The following ZNF282 variants were observed in gnomAD, a reference collection of about 807,000 sequenced individuals.
The protein encoded by ZNF282 is zinc finger protein 282, also known as HTLV-I U5 repressive element-binding protein 1.
ZNF282 carries 30 observed loss-of-function variants against 61.9 expected under a neutral mutation model. The ratio of observed to expected loss-of-function variants is 0.48; its 90% CI spans 0.36 to 0.66. The LOEUF (loss-of-function observed/expected upper bound fraction) is 0.66. Ranked by LOEUF, ZNF282 falls within the 30% of genes least tolerant of loss-of-function variation. The pLI is 0.00. For synonymous variants in ZNF282, 396 were observed against 405.0 expected (o/e 0.98, Z 0.27); for missense variants, 788 against 941.4 (o/e 0.84, Z 2.13).
At chr7:149,218,024 C>T (rs1423577786) in intron 7 of ZNF282, among the ~76,000 whole-genome samples, 3 of 151,260 alleles carry the variant, frequency 2.0e-5, no homozygotes, top group African/African-American at 4.9e-5. Flanking sequence ...ATGAGAATCC[C>T]TTGAACCCAG....
chr7:149,206,933 T>C, intron 3 of ZNF282, 111 bp downstream of exon 3: 3 of 1,435,628 alleles, frequency 2.1e-6, no homozygotes, highest in Non-Finnish European at 2.8e-6. Context: ...TTTTATGTAA[T>C]GGAAACTCAG....
intron 4 of ZNF282, among the ~76,000 whole-genome samples, chr7:149,208,359 C>T (rs1360505215): frequency 1.3e-5 from 2 of 152,114 alleles, no homozygotes; most frequent in South Asian, 2.1e-4. Flanking sequence ...TACACCACTG[C>T]GCCCAGCTAA....
intron 1 of ZNF282, among the ~76,000 whole-genome samples, chr7:149,197,119 C>G (rs1176076181): frequency 1.3e-5 from 2 of 152,218 alleles, no homozygotes; most frequent in African/African-American, 4.8e-5. Context: ...CTCAACCAGC[C>G]CCCCTTAGCC....
At position 149,208,322 on chromosome 7, in the gene ZNF282, C is replaced by T. The variant is rs192189719; in HGVS notation, c.832+852C>T. 2.1e-3 allele frequency among the ~76,000 whole-genome samples: 315 copies of T among 152,238 alleles called. 2 individuals carry two copies. The highest frequency in any genetic ancestry group is 7.3e-3 in the African/African-American group (304 of 41,562). On this transcript the variant is annotated intron_variant, in intron 4 of 7. Transcript: ENST00000610704. The stretch of plus-strand genomic sequence containing the variant: ...AACCTCAGCCTCACTGCAACCTCAG[C>T]CTCCCGAGTAGCTGGGACTACAGGC...
Position 149,224,629 on chromosome 7 carries a change from G to A in ZNF282, c.1998G>A (p.Pro666=). ...CCGGCGCCCCACGGCAGCTCCCGCC[G>A]CCTCCTGAGCGAGACTAGGGCTGGG... The part of the protein sequence containing the change: ...PGPGAPRQLP[P]PPERD The change falls in exon 8 of 8, where the codon CCG becomes CCA. Residue 666 remains proline (P), a synonymous_variant. Coordinates refer to ENST00000610704, the MANE Select transcript of ZNF282 (RefSeq NM_003575.4). The A allele has an allele frequency of 6.5e-7, 1 of 1,529,544 alleles. No individual in the cohort carries two copies. The allele number at this position is 1,529,544 out of a possible 1,614,324, so 94.7% of individuals were successfully genotyped here.
At chr7:149,199,034 T>C (rs115481703) in intron 2 of ZNF282, among the ~76,000 whole-genome samples, 1,645 of 152,326 alleles carry the variant, frequency 0.011, 31 homozygotes, top group African/African-American at 0.037. Flanking sequence ...CTGCAAGTTC[T>C]TGCAGCTCTT....
At chr7:149,199,522 C>T (rs1360331825) in intron 2 of ZNF282, among the ~76,000 whole-genome samples, 1 of 152,126 alleles carries the variant, frequency 6.6e-6, no homozygotes, top group Admixed American at 6.5e-5. Flanking sequence ...CCGTCTTTAA[C>T]AGAAAACCTC....
intron 4 of ZNF282, 125 bp downstream of exon 4, chr7:149,207,595 C>G: frequency 2.8e-6 from 4 of 1,408,320 alleles, no homozygotes; most frequent in Non-Finnish European, 3.8e-6. Flanking sequence ...TGGGTGGCTC[C>G]CAGGGGCCAG....
At chr7:149,218,694 C>T (rs1351575596) in intron 7 of ZNF282, among the ~76,000 whole-genome samples, 1 of 152,142 alleles carries the variant, frequency 6.6e-6, no homozygotes, top group Non-Finnish European at 1.5e-5. Flanking sequence ...CTTCAGACAC[C>T]AGCTGCAAAT....
intron 1 of ZNF282, among the ~76,000 whole-genome samples, chr7:149,197,624 C>T (rs931482615): frequency 4.6e-5 from 7 of 152,210 alleles, no homozygotes; most frequent in African/African-American, 1.4e-4. Flanking sequence ...AGGAGCCCAC[C>T]ACCACACCCG....
chr7:149,215,922 T>G (rs1796155659), intron 7 of ZNF282, among the ~76,000 whole-genome samples: 1 of 152,180 alleles, frequency 6.6e-6, no homozygotes, highest in Non-Finnish European at 1.5e-5. Context: ...TGTCTTCTGA[T>G]TCTTCCCAGT....
intron 7 of ZNF282, among the ~76,000 whole-genome samples, chr7:149,217,015 C>T (rs1796168463): frequency 6.6e-6 from 1 of 152,176 alleles, no homozygotes; most frequent in Non-Finnish European, 1.5e-5. Flanking sequence ...AGTGCAGTGG[C>T]TAAAAGGTGC....
In ZNF282 at chr7:149,198,796, A is replaced by C. The variant is rs1384415031; in HGVS notation, c.585+44A>C. The C allele has an allele frequency of 1.3e-6, 2 of 1,545,486 alleles. No individual in the cohort carries two copies. Among genetic ancestry groups the C allele is most frequent in the Admixed American group, 2.2e-5 (1 of 46,468 alleles). On this transcript the variant is annotated intron_variant, in intron 2 of 7. Transcript: ENST00000610704. This position sits in a 1 kb window ranked among gnomAD's most constrained non-coding sequence, Gnocchi z 4.3. ...GGCAGGGATAGAGGTGAGGAACAGC[A>C]CAGGTGCATAAAATTCTTGATTTCA...
intron 4 of ZNF282, among the ~76,000 whole-genome samples, chr7:149,209,713 A>G (rs1796052736): frequency 1.3e-5 from 2 of 152,148 alleles, no homozygotes; most frequent in South Asian, 4.1e-4. Context: ...CCCAGTCTTC[A>G]GATTCTTTGT....
chr7:149,205,803 G>T (rs7809248), intron 2 of ZNF282, among the ~76,000 whole-genome samples: 3,460 of 152,294 alleles, frequency 0.023, 115 homozygotes, highest in African/African-American at 0.079. Flanking sequence ...ATGCAGATAC[G>T]TAGATGAATG....
intron 7 of ZNF282, among the ~76,000 whole-genome samples, chr7:149,220,997 G>A (rs750913769): frequency 4.1e-5 from 6 of 147,676 alleles, no homozygotes; most frequent in Non-Finnish European, 8.9e-5. Flanking sequence ...ACGGCTCACC[G>A]CAGCCTCGAC....
intron 2 of ZNF282, among the ~76,000 whole-genome samples, chr7:149,200,743 C>T (rs1795895402): frequency 6.6e-6 from 1 of 152,136 alleles, no homozygotes; most frequent in Admixed American, 6.6e-5. Flanking sequence ...TTACAGGCAT[C>T]TGCCACCATG....
chr7:149,213,851 C>T, intron 7 of ZNF282, 37 bp downstream of exon 7: 1 of 1,506,864 alleles, frequency 6.6e-7, no homozygotes, highest in Non-Finnish European at 9.2e-7. Context: ...GGGGTTTCTT[C>T]TCTGGAGCTG....
rs766747449 is a variant in ZNF282, at chr7:149,224,876, C to T, written c.*229C>T. The T allele has an allele frequency of 5.5e-5, 41 of 743,524 alleles. No homozygotes were observed. Among genetic ancestry groups the T allele is most frequent in the Non-Finnish European group, 7.2e-5 (35 of 486,544 alleles). The allele number at this position is 743,524 out of a possible 1,614,324, so 46.1% of individuals were successfully genotyped here. On this transcript the variant is annotated 3_prime_UTR_variant, in exon 8 of 8. Coordinates refer to ENST00000610704, the MANE Select transcript of ZNF282 (RefSeq NM_003575.4). ...TGCTGGGGAAGAGCCAGGGGGACCG[C>T]GAGGAGCCGAGCGTCCTCGGGCACC... is the stretch of plus-strand genomic sequence containing the variant.
Sources: allele counts gnomAD v4.1 joint callset (sites outside exome capture counted in the v4.1 genomes callset), GRCh38; gene constraint gnomAD v4.1.1; non-coding constraint Gnocchi (gnomAD v3.1); transcripts MANE v1.5; gene names NCBI Gene and HGNC (gene_info 2026-07-23, HGNC 2026-07-21).